The following GGT1 variants were observed in gnomAD, a reference collection of about 807,000 sequenced individuals.
GGT1 encodes the protein glutathione hydrolase 1 proenzyme.
A neutral mutation model predicts 56.0 loss-of-function variants in GGT1; 21 were observed. That is an observed-to-expected ratio of 0.38 (90% confidence interval 0.27 to 0.54). The LOEUF (loss-of-function observed/expected upper bound fraction) is 0.54, where lower values mean the gene tolerates loss of function less well. Among genes scored for constraint, GGT1 ranks in the 20% least tolerant of loss-of-function variants. The pLI is 0.82. For missense variants in GGT1, 466 were observed against 787.0 expected, an observed-to-expected ratio of 0.59 and a Z score of 4.88; for synonymous variants, 238 against 342.6, an observed-to-expected ratio of 0.69 and a Z score of 3.37.
intron 9 of GGT1, among the ~76,000 whole-genome samples, 159 bp from the exon 10 acceptor site, chr22:24,622,948 C>T (rs1201329540): frequency 1.3e-5 from 2 of 152,230 alleles, no homozygotes; most frequent in East Asian, 3.9e-4. Context: ...ACAGTCCCAC[C>T]CCTCCAGTAG....
the GGT1 span, chr22:24,585,831 A>G: frequency 4.8e-5 from 70 of 1,471,086 alleles, no homozygotes; most frequent in African/African-American, 6.0e-4. Context: ...ATCGCCCACT[A>G]TCATGTGCTT....
upstream of GGT1, among the ~76,000 whole-genome samples, chr22:24,598,763 G>C (rs1360012305): frequency 6.6e-6 from 1 of 152,136 alleles, no homozygotes; most frequent in Non-Finnish European, 1.5e-5. Flanking sequence ...ATTTTGCCCA[G>C]GCTGGTCGTG....
the GGT1 span, among the ~76,000 whole-genome samples, chr22:24,586,723 G>T: frequency 6.6e-6 from 1 of 152,208 alleles, no homozygotes; most frequent in African/African-American, 2.4e-5. Flanking sequence ...TAGAGGCGGG[G>T]TTTCTCCATC....
chr22:24,608,161 G>A (rs2046438689), intron 2 of GGT1, 138 bp downstream of exon 2: 2 of 330,132 alleles, frequency 6.1e-6, no homozygotes, highest in Non-Finnish European at 1.3e-5. Context: ...TCTGGGCTTG[G>A]ACATTCTTTC....
At chr22:24,611,558 CTATCT>C (rs1569054993) in intron 5 of GGT1, among the ~76,000 whole-genome samples, 19 of 129,358 alleles carry the variant, frequency 1.5e-4, no homozygotes, top group African/African-American at 5.6e-4. Flanking sequence ...ATCTATCTAT[CTATCT>C]ATCTATCTAT....
At chr22:24,592,708 C>T (rs902790760), upstream of GGT1, 71 of 1,265,566 alleles carry the variant, frequency 5.6e-5, no homozygotes, top group Middle Eastern at 3.1e-4. Context: ...CAGCCTGTCG[C>T]GCCCTCGGAA....
intron 7 of GGT1, 72 bp downstream of exon 7, chr22:24,615,199 G>T: frequency 9.1e-7 from 1 of 1,100,640 alleles, no homozygotes. Context: ...CTTGCCCACA[G>T]GAGCCTGCTC....
chr22:24,592,425 T>C (rs920900334), upstream of GGT1: 1 of 470,472 alleles, frequency 2.1e-6, no homozygotes, highest in Non-Finnish European at 4.4e-6. Context: ...TCCCGGATCC[T>C]GGAGGAGGGG....
rs2330843 is a variant in GGT1, at chr22:24,614,905, A to T, written c.294A>T (p.Thr98=). The part of the protein sequence containing the change: ...GLFLTIYNST[T]RKAEVINARE... Reference sequence around the variant, plus strand: ...TCCTCACCATCTACAACAGCACCACACGTGAGTGCCTCGGGAGAGGAGAGG... The same window carrying T: ...TCCTCACCATCTACAACAGCACCACTCGTGAGTGCCTCGGGAGAGGAGAGG... The change falls in exon 6 of 16, where the codon ACA becomes ACT. Residue 98 remains threonine (T), a splice_region_variant and synonymous_variant. Coordinates refer to ENST00000400382, the MANE Select transcript of GGT1 (RefSeq NM_001288833.2). 6.2e-7 allele frequency: 1 copy of T among 1,612,586 alleles called. No homozygotes were observed. The highest frequency in any genetic ancestry group is 8.5e-7 in the Non-Finnish European group (1 of 1,179,358).
chr22:24,592,482 C>T (rs1046656561), upstream of GGT1: 3 of 455,572 alleles, frequency 6.6e-6, no homozygotes, highest in Non-Finnish European at 1.4e-5. Context: ...GATTTGACCT[C>T]ACTTGCCACT....
At chr22:24,608,825 T>G (rs2046481346) in intron 2 of GGT1, among the ~76,000 whole-genome samples, 1 of 151,984 alleles carries the variant, frequency 6.6e-6, no homozygotes, top group African/African-American at 2.4e-5. Flanking sequence ...CCTGGCTAAT[T>G]TTTTGTATTT....
At chr22:24,606,958 G>A (rs149960274) in intron 1 of GGT1, among the ~76,000 whole-genome samples, 1,162 of 129,356 alleles carry the variant, frequency 9.0e-3, no homozygotes, top group African/African-American at 0.013. Flanking sequence ...CTTGGCAGAT[G>A]AGGGCCACAG....
chr22:24,588,343 G>A, the GGT1 span: 2 of 1,595,890 alleles, frequency 1.3e-6, no homozygotes, highest in Non-Finnish European at 1.7e-6. Flanking sequence ...TGGGAGGGCA[G>A]TGTCACCATG....
chr22:24,603,686 G>A (rs1246806379), intron 1 of GGT1, among the ~76,000 whole-genome samples, 159 bp downstream of exon 1: 4 of 152,186 alleles, frequency 2.6e-5, no homozygotes, highest in Non-Finnish European at 4.4e-5. Flanking sequence ...TGAGAGAGCC[G>A]TGGCTTCTTG....
the GGT1 span, chr22:24,589,064 C>CT: frequency 9.7e-7 from 1 of 1,034,954 alleles, no homozygotes; most frequent in Non-Finnish European, 1.2e-6. Flanking sequence ...GTGGGCTAGG[C>CT]GCAGAGTCCT....
At chr22:24,611,550 CTATCTATCT>C (rs1569054957) in intron 5 of GGT1, among the ~76,000 whole-genome samples, 751 of 44,740 alleles carry the variant, frequency 0.017, 4 homozygotes, top group Middle Eastern at 0.048. Flanking sequence ...TATCATCTAT[CTATCTATCT>C]ATCTATCTAT....
intron 11 of GGT1, among the ~76,000 whole-genome samples, chr22:24,625,063 T>G (rs2047663279): frequency 6.6e-6 from 1 of 152,214 alleles, no homozygotes; most frequent in African/African-American, 2.4e-5. Context: ...GTCTGCAGTG[T>G]GGATGTTTCT....
chr22:24,609,862 C>CA (rs2046553705), intron 2 of GGT1, 103 bp from the exon 3 acceptor site: 1 of 395,150 alleles, frequency 2.5e-6, no homozygotes, highest in Non-Finnish European at 5.4e-6. Flanking sequence ...GCCACTCAGG[C>CA]CTCCTGGGGG....
chr22:24,601,790 G>T (rs999663888), upstream of GGT1, among the ~76,000 whole-genome samples: 5 of 152,350 alleles, frequency 3.3e-5, no homozygotes, highest in South Asian at 1.0e-3. Flanking sequence ...CCCGGGCTGT[G>T]TTGGCAGCTG....
Sources: allele counts gnomAD v4.1 joint callset (sites outside exome capture counted in the v4.1 genomes callset), GRCh38; gene constraint gnomAD v4.1.1; transcripts MANE v1.5; gene names NCBI Gene and HGNC (gene_info 2026-07-23, HGNC 2026-07-21).